CDCP2: variants seen among roughly 807,000 people sequenced by gnomAD.
The protein encoded by CDCP2 is CUB domain containing protein 2, also known as CUB domain-containing protein 2.
A neutral mutation model predicts 31.0 loss-of-function variants in CDCP2; 31 were observed. The observed-to-expected ratio is 1.00, with a 90% confidence interval of 0.75 to 1.35. CDCP2 has a LOEUF of 1.35. Among genes scored for constraint, CDCP2 ranks in the 40% most tolerant of loss-of-function variants. The pLI is 0.00. For synonymous variants in CDCP2, 206 were observed against 207.9 expected, an observed-to-expected ratio of 0.99 and a Z score of 0.08; for missense variants, 443 against 482.6, an observed-to-expected ratio of 0.92 and a Z score of 0.77.
At chr1:54,140,953 G>T in intron 3 of CDCP2, 145 bp downstream of exon 3, 1 of 626,522 alleles carries the variant, frequency 1.6e-6, no homozygotes, top group South Asian at 3.3e-5. Context: ...ATAGGCCAAG[G>T]GTATGCTAGA....
intron 3 of CDCP2, 43 bp downstream of exon 3, chr1:54,141,055 G>C (rs775593731): frequency 5.4e-6 from 8 of 1,481,190 alleles, no homozygotes; most frequent in Non-Finnish European, 7.2e-6. Context: ...CAGGAGCCCA[G>C]TAGGCACAGG....
chr1:54,136,660 G>A (rs926829821), exon 5 of CDCP2: 4 of 399,020 alleles, frequency 1.0e-5, no homozygotes, highest in Admixed American at 8.8e-5. Flanking sequence ...TATCAAAGCG[G>A]GCCTGGATCC....
chr1:54,136,034 G>A (rs61070872), intron 5 of CDCP2, among the ~76,000 whole-genome samples: 2,419 of 152,212 alleles, frequency 0.016, 68 homozygotes, highest in African/African-American at 0.055. Flanking sequence ...CTGGGTTCAC[G>A]GCCTCCAAAA....
At chr1:54,144,250 G>T (rs966118823) in intron 2 of CDCP2, 13 of 538,086 alleles carry the variant, frequency 2.4e-5, no homozygotes, top group Non-Finnish European at 4.3e-5. Context: ...GGGTCCTGCA[G>T]GTTACAGAGC....
At chr1:54,133,663 A>G (rs534877089) in intron 5 of CDCP2, among the ~76,000 whole-genome samples, 74 of 152,262 alleles carry the variant, frequency 4.9e-4, no homozygotes, top group Admixed American at 3.7e-3. Context: ...GTGGGAGGCC[A>G]AGGCGGGCGG....
rs566564211 is a variant in CDCP2, at chr1:54,150,520, G to A, written c.79+2324C>T. ...TGAGACAGGAGAATTGCTTGAACCC[G>A]GGAGGCAGAGGCTGCACTGAGCCGA... On this transcript the variant is annotated intron_variant, in intron 1 of 5. Transcript: ENST00000530059. 3.3e-5 allele frequency among the ~76,000 whole-genome samples: 5 copies of A among 152,176 alleles called. No individual in the cohort carries two copies. In the East Asian group the frequency reaches 7.7e-4, roughly 24 times the overall value.
intron 1 of CDCP2, among the ~76,000 whole-genome samples, chr1:54,147,061 G>C: frequency 9.5e-6 from 1 of 105,122 alleles, no homozygotes; most frequent in African/African-American, 4.0e-5. Flanking sequence ...GGGTGACAGA[G>C]CAAGACTCCA....
intron 1 of CDCP2, among the ~76,000 whole-genome samples, chr1:54,150,927 G>A (rs1659573147): frequency 6.6e-6 from 1 of 152,230 alleles, no homozygotes; most frequent in Non-Finnish European, 1.5e-5. Flanking sequence ...GGGCCCCTCT[G>A]TGGGAAGCTC....
chr1:54,138,199 T>G (rs898445403), intron 4 of CDCP2: 1 of 152,448 alleles, frequency 6.6e-6, no homozygotes, highest in East Asian at 1.9e-4. Flanking sequence ...GTTCTGGAAA[T>G]AAGACTATCA....
At chr1:54,136,552 G>C in intron 5 of CDCP2, 78 bp downstream of exon 5, 1 of 398,910 alleles carries the variant, frequency 2.5e-6, no homozygotes. Flanking sequence ...AGGAGAAGCT[G>C]AATTTTCAGG....
chr1:54,148,962 GT>G (rs1048424084), intron 1 of CDCP2, among the ~76,000 whole-genome samples: 1 of 138,400 alleles, frequency 7.2e-6, no homozygotes, highest in African/African-American at 2.8e-5. Context: ...CAAATGAATT[GT>G]TTAAAAAAAA....
At chr1:54,149,926 A>C (rs11587789) in intron 1 of CDCP2, among the ~76,000 whole-genome samples, 5,291 of 152,340 alleles carry the variant, frequency 0.035, 142 homozygotes, top group Admixed American at 0.083. Flanking sequence ...AGCCCGGGAA[A>C]GGGAAGTCAC....
At chr1:54,152,726 C>T (rs1659604897) in intron 1 of CDCP2, 118 bp downstream of exon 1, 3 of 852,216 alleles carry the variant, frequency 3.5e-6, no homozygotes, top group East Asian at 2.5e-5. Context: ...AACTCAGCCA[C>T]GTCCCCTAAA....
At chr1:54,133,276 C>A (rs1041868863) in exon 6 of CDCP2, 1 of 399,166 alleles carries the variant, frequency 2.5e-6, no homozygotes, top group African/African-American at 2.1e-5. Flanking sequence ...CTGACAATCA[C>A]TGAAGTGTTG....
At chr1:54,144,717 A>C (rs746170093) in exon 2 of CDCP2, 71 of 1,614,130 alleles carry the variant, frequency 4.4e-5, no homozygotes, top group Non-Finnish European at 5.8e-5. Context: ...CACCACGATC[A>C]GCCAGCTGCA....
chr1:54,149,484 A>G (rs1659538456), intron 1 of CDCP2, among the ~76,000 whole-genome samples: 1 of 152,082 alleles, frequency 6.6e-6, no homozygotes, highest in Non-Finnish European at 1.5e-5. Context: ...TCATTGTATG[A>G]TTTTCTGTGC....
chr1:54,140,018 G>A (rs1406880857), exon 4 of CDCP2: 4 of 1,614,030 alleles, frequency 2.5e-6, no homozygotes, highest in East Asian at 4.5e-5. Flanking sequence ...GGATGGTCCA[G>A]TGGCAGCGGA....
At chr1:54,144,534 A>G in exon 2 of CDCP2, 2 of 1,612,066 alleles carry the variant, frequency 1.2e-6, no homozygotes, top group Non-Finnish European at 1.7e-6. Context: ...GACAGACATG[A>G]CATGCCAGGA....
intron 1 of CDCP2, among the ~76,000 whole-genome samples, chr1:54,150,398 C>T (rs1476534268): frequency 2.0e-5 from 3 of 152,088 alleles, no homozygotes; most frequent in Non-Finnish European, 4.4e-5. Flanking sequence ...AGTTCGAGAC[C>T]AGCCCAGCCA....
Sources: allele counts gnomAD v4.1 joint callset (sites outside exome capture counted in the v4.1 genomes callset), GRCh38; gene constraint gnomAD v4.1.1; transcripts MANE v1.5; gene names NCBI Gene and HGNC (gene_info 2026-07-23, HGNC 2026-07-21).